ADGRF5: variants seen among roughly 807,000 people sequenced by gnomAD.
ADGRF5 encodes the protein adhesion G protein-coupled receptor F5.
A neutral mutation model predicts 132.3 loss-of-function variants in ADGRF5; 75 were observed. The ratio of observed to expected loss-of-function variants is 0.57; its 90% CI spans 0.47 to 0.69. The LOEUF (loss-of-function observed/expected upper bound fraction) is 0.69. Ranked by LOEUF, ADGRF5 falls within the 30% of genes least tolerant of loss-of-function variation. The pLI, the probability that ADGRF5 is intolerant of heterozygous loss-of-function variation, is 0.00. For missense variants in ADGRF5, 1,516 were observed against 1,630.6 expected, an observed-to-expected ratio of 0.93 and a Z score of 1.21; for synonymous variants, 629 against 597.6, an observed-to-expected ratio of 1.05 and a Z score of -0.77.
chr6:46,951,734 G>T (rs924826620), intron 1 of ADGRF5, among the ~76,000 whole-genome samples: 1 of 152,168 alleles, frequency 6.6e-6, no homozygotes, highest in Non-Finnish European at 1.5e-5. Flanking sequence ...CATCTAACCT[G>T]CTTCAAAGCA....
At chr6:46,877,225 C>CTCT (rs1554200286) in intron 10 of ADGRF5, among the ~76,000 whole-genome samples, 1 of 131,682 alleles carries the variant, frequency 7.6e-6, no homozygotes, top group Non-Finnish European at 1.7e-5. Flanking sequence ...TTTATTTCCT[C>CTCT]TCTTTCTTTC....
In ADGRF5 at chr6:46,902,904, C is replaced by A. The variant is rs220697; in HGVS notation, c.103-2821G>T. ...TACAAAGATCTGGCTGCCAAGTCAC[C>A]GGACCTGATTTGAATAGAGCAAATG... is the stretch of plus-strand genomic sequence containing the variant. On this transcript the variant is annotated intron_variant, in intron 2 of 20. Coordinates refer to ENST00000283296, the MANE Select transcript of ADGRF5 (RefSeq NM_001098518.2). 1.7e-4 allele frequency among the ~76,000 whole-genome samples: 26 copies of A among 152,308 alleles called. 1 individual carries two copies. Among genetic ancestry groups the A allele is most frequent in the Middle Eastern group, 6.8e-3 (2 of 294 alleles).
chr6:46,943,683 A>G (rs1055240251), intron 1 of ADGRF5, among the ~76,000 whole-genome samples: 10 of 152,216 alleles, frequency 6.6e-5, no homozygotes, highest in African/African-American at 2.4e-4. Flanking sequence ...CAACTTGCCA[A>G]ACCTGGTTTA....
At chr6:46,936,977 T>G (rs1777864080) in intron 1 of ADGRF5, among the ~76,000 whole-genome samples, 1 of 152,182 alleles carries the variant, frequency 6.6e-6, no homozygotes, top group African/African-American at 2.4e-5. Flanking sequence ...CTGACACCTC[T>G]CTTACCTCCC....
chr6:46,931,981 CTT>C (rs1378185579), intron 1 of ADGRF5, among the ~76,000 whole-genome samples: 2 of 152,158 alleles, frequency 1.3e-5, no homozygotes, highest in Admixed American at 1.3e-4. Flanking sequence ...CCATAAACCT[CTT>C]TGTACATTTG....
At chr6:46,860,115 C>T (rs914493349) in intron 16 of ADGRF5, among the ~76,000 whole-genome samples, 1 of 152,118 alleles carries the variant, frequency 6.6e-6, no homozygotes, top group Non-Finnish European at 1.5e-5. Flanking sequence ...ACTATAGCTC[C>T]TGCTGACTGG....
At chr6:46,862,607 G>C (rs575760800) in intron 15 of ADGRF5, among the ~76,000 whole-genome samples, 3 of 150,868 alleles carry the variant, frequency 2.0e-5, no homozygotes, top group African/African-American at 7.3e-5. Flanking sequence ...GCCCCCTGGA[G>C]GTATGGAACA....
intron 1 of ADGRF5, among the ~76,000 whole-genome samples, chr6:46,943,934 G>A (rs1778198444): frequency 6.6e-6 from 1 of 152,170 alleles, no homozygotes; most frequent in Non-Finnish European, 1.5e-5. Context: ...ACATAAGCCT[G>A]GACTGCAAAA....
At chr6:46,907,432 T>C (rs1037116672) in intron 1 of ADGRF5, among the ~76,000 whole-genome samples, 1 of 152,112 alleles carries the variant, frequency 6.6e-6, no homozygotes, top group African/African-American at 2.4e-5. Flanking sequence ...CTTGAATTCC[T>C]GGCCTCAAGC....
chr6:46,926,594 G>A (rs1016963276), upstream of ADGRF5, among the ~76,000 whole-genome samples: 1 of 152,120 alleles, frequency 6.6e-6, no homozygotes, highest in African/African-American at 2.4e-5. Flanking sequence ...TGGCCTGTGA[G>A]CCGTCCACAG....
At chr6:46,942,519 T>C (rs1778132292) in intron 1 of ADGRF5, among the ~76,000 whole-genome samples, 1 of 152,212 alleles carries the variant, frequency 6.6e-6, no homozygotes, top group South Asian at 2.1e-4. Flanking sequence ...TCAGTTTTCT[T>C]ATGTGTAAAA....
intron 3 of ADGRF5, among the ~76,000 whole-genome samples, chr6:46,891,691 T>C (rs1440506393): frequency 6.6e-6 from 1 of 152,198 alleles, no homozygotes; most frequent in Non-Finnish European, 1.5e-5. Flanking sequence ...GAAGAACAAG[T>C]GTGTGCCTAG....
intron 5 of ADGRF5, 116 bp downstream of exon 5, chr6:46,883,979 T>C (rs1408755237): frequency 2.3e-6 from 2 of 884,286 alleles, no homozygotes; most frequent in African/African-American, 1.7e-5. Context: ...TGACCACAGG[T>C]GATCCATCCA....
chr6:46,947,558 G>A (rs952705988), intron 1 of ADGRF5, among the ~76,000 whole-genome samples: 2 of 152,158 alleles, frequency 1.3e-5, no homozygotes. Context: ...TGTAAACGAA[G>A]AAGTGGTGGG....
At chr6:46,954,836 T>A (rs1778659366) in exon 1 of ADGRF5, 1 of 152,194 alleles carries the variant, frequency 6.6e-6, no homozygotes, top group Non-Finnish European at 1.5e-5. Flanking sequence ...TCCCATTCAA[T>A]CACACAGCCA....
upstream of ADGRF5, among the ~76,000 whole-genome samples, chr6:46,923,495 T>C (rs78025079): frequency 3.4e-3 from 511 of 152,258 alleles, 3 homozygotes; most frequent in African/African-American, 0.012. Context: ...AAAATGTTAT[T>C]ATTCCACTTC....
At chr6:46,937,660 C>A (rs1475282242) in intron 1 of ADGRF5, among the ~76,000 whole-genome samples, 1 of 152,124 alleles carries the variant, frequency 6.6e-6, no homozygotes, top group Non-Finnish European at 1.5e-5. Context: ...AAGAGATTAA[C>A]AACAGTAACT....
At chr6:46,893,716 T>C (rs1368112377) in intron 3 of ADGRF5, among the ~76,000 whole-genome samples, 1 of 152,198 alleles carries the variant, frequency 6.6e-6, no homozygotes, top group East Asian at 1.9e-4. Context: ...TCTTTGCCCC[T>C]GGCATTGTTT....
At chr6:46,877,592 T>C (rs1771962015) in intron 10 of ADGRF5, among the ~76,000 whole-genome samples, 1 of 152,022 alleles carries the variant, frequency 6.6e-6, no homozygotes, top group Middle Eastern at 3.2e-3. Context: ...ATTATTATTA[T>C]TCATCAATAT....
Sources: gnomAD v4.1 joint callset for allele counts (sites outside exome capture counted in the v4.1 genomes callset) on GRCh38, gnomAD v4.1.1 for gene constraint, MANE v1.5 for transcripts, NCBI Gene and HGNC (gene_info 2026-07-23, HGNC 2026-07-21) for gene names.